The following UNC80 variants were observed in gnomAD, a reference collection of about 807,000 sequenced individuals.
UNC80 encodes the protein unc-80 subunit of NALCN channel complex, also known as protein unc-80 homolog.
Under a neutral mutation model 384.6 loss-of-function variants are expected in UNC80, and 164 were observed. The observed-to-expected ratio is 0.43, with a 90% confidence interval of 0.38 to 0.49. The LOEUF (loss-of-function observed/expected upper bound fraction) is 0.49, where lower values mean the gene tolerates loss of function less well. Among genes scored for constraint, UNC80 ranks in the 20% least tolerant of loss-of-function variants. The probability of loss-of-function intolerance (pLI) is 0.00; values close to 1 mark genes in which losing one functional copy is unlikely to be tolerated. For synonymous variants in UNC80, 1,486 were observed against 1,527.8 expected (o/e 0.97, Z 0.64); for missense variants, 3,330 against 4,143.0 (o/e 0.80, Z 5.39).
Position 209,932,407 on chromosome 2 carries a change from G to T in UNC80, c.5994+1353G>T, listed in dbSNP as rs111397957. Among the ~76,000 whole-genome samples the T allele has an allele frequency of 2.9e-3, 436 of 152,240 alleles. 1 individual carries two copies. The highest frequency in any genetic ancestry group is 0.01 in the African/African-American group (418 of 41,538). Reference sequence around the variant, plus strand: ...TCAGGGCCTCCCTCAGTTTAGGTGTGTGCCCTGCCAAATTTACACTCCATC... The same window carrying T: ...TCAGGGCCTCCCTCAGTTTAGGTGTTTGCCCTGCCAAATTTACACTCCATC... On this transcript the variant is annotated intron_variant, in intron 38 of 64. Transcript: ENST00000673920.
chr2:209,775,840 TG>T (rs1385772499), intron 2 of UNC80, 48 bp from the exon 3 acceptor site: 16 of 1,575,398 alleles, frequency 1.0e-5, no homozygotes, highest in Admixed American at 5.2e-5. Flanking sequence ...TTAGTTTACG[TG>T]GTTTTGGATT....
rs759132800 is a variant in UNC80, at chr2:209,819,164, TCA to T, written c.1868_1869del (p.Thr623ArgfsTer16). 1 of 1,552,196 alleles carries T rather than the reference TCA, an allele frequency of 6.4e-7. No homozygotes were observed. The highest frequency in any genetic ancestry group is 1.2e-5 in the South Asian group (1 of 84,064). On this transcript the variant is annotated frameshift_variant, in exon 12 of 65. Transcript: ENST00000673920. LOFTEE classifies it high-confidence loss of function. ...GCATGTGCTAACCTACCTCGAAGCC[TCA>T]CAGACTCCTGCATAAACTACAGCTA...
chr2:209,965,626 T>C (rs1179259856), intron 51 of UNC80, among the ~76,000 whole-genome samples: 1 of 152,060 alleles, frequency 6.6e-6, no homozygotes, highest in Non-Finnish European at 1.5e-5. Flanking sequence ...TTTCACCATC[T>C]TGGCCAGGCT....
rs375094776 is a variant in UNC80 at position 209,850,432 on chromosome 2, A to G, written c.3627+809A>G. 2.6e-4 allele frequency among the ~76,000 whole-genome samples: 40 copies of G among 152,278 alleles called. No homozygotes were observed. In the East Asian group the frequency reaches 6.4e-3, roughly 24 times the overall value. On this transcript the variant is annotated intron_variant, in intron 22 of 64. Coordinates refer to ENST00000673920, the MANE Select transcript of UNC80 (RefSeq NM_001371986.1). ...AGAACAAAAAACTTTAAGCCTGCCA[A>G]TAAATGATCCTTTTTTCGGGTTTTA...
intron 61 of UNC80, among the ~76,000 whole-genome samples, chr2:209,991,397 G>T (rs376270106): frequency 5.3e-5 from 8 of 152,064 alleles, no homozygotes; most frequent in African/African-American, 1.7e-4. Context: ...AGTATTTTCA[G>T]CTTCACCCAA....
Position 209,789,623 on chromosome 2 carries a change from A to G in UNC80, c.798+18A>G, listed in dbSNP as rs762178196. On this transcript the variant is annotated intron_variant, in intron 6 of 64. Coordinates refer to ENST00000673920, the MANE Select transcript of UNC80 (RefSeq NM_001371986.1). ...ACTTAGAGGTTAGTTTATTATAATC[A>G]TAAGAAGAAGGGAGGCAGAAAGTCC... 1 of 1,579,828 alleles carries G rather than the reference A, an allele frequency of 6.3e-7. No homozygotes were observed. The highest frequency in any genetic ancestry group is 1.7e-5 in the Admixed American group (1 of 59,716).
At chr2:209,989,401 C>G (rs1186973846) in intron 61 of UNC80, among the ~76,000 whole-genome samples, 1 of 151,894 alleles carries the variant, frequency 6.6e-6, no homozygotes, top group Non-Finnish European at 1.5e-5. Context: ...TCTGACATAT[C>G]TCGACATATA....
intron 60 of UNC80, 132 bp downstream of exon 60, chr2:209,982,449 C>A: frequency 8.5e-7 from 1 of 1,173,334 alleles, no homozygotes; most frequent in Non-Finnish European, 1.1e-6. Context: ...GATCATTCCA[C>A]AAAGGATTTG....
chr2:209,930,087 C>T, intron 37 of UNC80, 116 bp downstream of exon 37: 5 of 474,298 alleles, frequency 1.1e-5, no homozygotes, highest in Non-Finnish European at 1.8e-5. Context: ...CAATACACAA[C>T]CAATAAGTAC....
chr2:209,934,026 A>G (rs1462126863), intron 39 of UNC80, 21 bp downstream of exon 39: 6 of 1,515,736 alleles, frequency 4.0e-6, no homozygotes, highest in Non-Finnish European at 5.3e-6. Context: ...ACTACTTTTT[A>G]GTAACATAAC....
chr2:209,805,002 C>A (rs367852762), intron 7 of UNC80, among the ~76,000 whole-genome samples: 8 of 152,138 alleles, frequency 5.3e-5, no homozygotes, highest in East Asian at 1.9e-4. Context: ...TTATCAGAAG[C>A]CATTTCTTAA....
intron 7 of UNC80, among the ~76,000 whole-genome samples, chr2:209,803,386 A>C (rs1343620326): frequency 6.6e-6 from 1 of 152,232 alleles, no homozygotes; most frequent in African/African-American, 2.4e-5. Context: ...ATTTGATGAC[A>C]ACAAAGTTAT....
intron 56 of UNC80, among the ~76,000 whole-genome samples, chr2:209,974,009 C>G (rs1368834886): frequency 6.6e-6 from 1 of 152,186 alleles, no homozygotes; most frequent in Non-Finnish European, 1.5e-5. Flanking sequence ...TGGAAAGCCA[C>G]TCTTTGGCCC....
intron 38 of UNC80, 45 bp from the exon 39 acceptor site, chr2:209,933,777 C>A (rs367978481): frequency 6.8e-7 from 1 of 1,473,724 alleles, no homozygotes; most frequent in Admixed American, 2.3e-5. Context: ...AATGTGAGCT[C>A]GGGATTATTG....
intron 55 of UNC80, among the ~76,000 whole-genome samples, chr2:209,972,779 G>A (rs1196828301): frequency 6.6e-6 from 1 of 152,198 alleles, no homozygotes; most frequent in Non-Finnish European, 1.5e-5. Context: ...TCAAATGTAA[G>A]TACAGTGCAT....
chr2:209,792,849 T>C (rs753539379), intron 6 of UNC80, among the ~76,000 whole-genome samples: 1 of 152,234 alleles, frequency 6.6e-6, no homozygotes. Context: ...CTTACCTGTC[T>C]TGAGACATAA....
At chr2:209,970,043 A>C in intron 53 of UNC80, 152 bp downstream of exon 53, 1 of 1,001,144 alleles carries the variant, frequency 1.0e-6, no homozygotes, top group South Asian at 1.7e-5. Flanking sequence ...AGTGAGGTAC[A>C]TTTCAAGGTG....
chr2:209,895,618 T>C (rs1482175611), intron 27 of UNC80, among the ~76,000 whole-genome samples: 3 of 152,228 alleles, frequency 2.0e-5, no homozygotes, highest in Non-Finnish European at 4.4e-5. Flanking sequence ...TCCTGACCAA[T>C]TGAGTCAAAA....
intron 26 of UNC80, among the ~76,000 whole-genome samples, chr2:209,889,849 C>T (rs1383100810): frequency 6.6e-6 from 1 of 152,100 alleles, no homozygotes; most frequent in Non-Finnish European, 1.5e-5. Flanking sequence ...CATAGTATTC[C>T]ATGGTGTATA....
Sources: allele counts gnomAD v4.1 joint callset (sites outside exome capture counted in the v4.1 genomes callset), GRCh38; gene constraint gnomAD v4.1.1; transcripts MANE v1.5; gene names NCBI Gene and HGNC (gene_info 2026-07-23, HGNC 2026-07-21).